Variants in PAPPA2 observed in about 807,000 individuals in gnomAD.
PAPPA2 encodes the protein pappalysin-2.
PAPPA2 carries 86 observed loss-of-function variants against 176.4 expected under a neutral mutation model. The ratio of observed to expected loss-of-function variants is 0.49; its 90% CI spans 0.41 to 0.58. The LOEUF is 0.58. Ranked by LOEUF, PAPPA2 falls within the 20% of genes least tolerant of loss-of-function variation. PAPPA2 has a pLI of 0.00. For missense variants in PAPPA2, 2,073 were observed against 2,256.9 expected, an observed-to-expected ratio of 0.92 and a Z score of 1.65; for synonymous variants, 809 against 852.2, an observed-to-expected ratio of 0.95 and a Z score of 0.88.
Position 176,556,697 on chromosome 1 carries a change from G to A in PAPPA2, c.375G>A (p.Pro125=), listed in dbSNP as rs1267448610. The change falls in exon 2 of 23, where the codon CCG becomes CCA. Residue 125 remains proline, a synonymous_variant. Coordinates refer to ENST00000367662, the MANE Select transcript of PAPPA2 (RefSeq NM_020318.3). ...PAGLRGAVEE[P]AAPWVGDSPI... is the part of the protein sequence containing the mutation. The stretch of plus-strand genomic sequence containing the variant: ...GACTGAGGGGTGCAGTTGAAGAGCC[G>A]GCTGCCCCATGGGTAGGGGATAGTC... The A allele has an allele frequency of 1.4e-5, 23 of 1,613,994 alleles. No individual in the cohort carries two copies. Among genetic ancestry groups the A allele is most frequent in the Admixed American group, 3.3e-5 (2 of 59,998 alleles).
chr1:176,663,957 G>A (rs1658486720), intron 3 of PAPPA2, among the ~76,000 whole-genome samples: 1 of 152,052 alleles, frequency 6.6e-6, no homozygotes, highest in Non-Finnish European at 1.5e-5. Flanking sequence ...TCTTGATATG[G>A]TGGGTAAAAT....
chr1:176,667,586 T>C (rs2102768403), intron 3 of PAPPA2, among the ~76,000 whole-genome samples: 1 of 152,122 alleles, frequency 6.6e-6, no homozygotes, highest in African/African-American at 2.4e-5. Context: ...GGGAGAGGGA[T>C]CAGGTCAAAG....
At chr1:176,729,178 A>G (rs1284628462) in intron 12 of PAPPA2, among the ~76,000 whole-genome samples, 1 of 152,068 alleles carries the variant, frequency 6.6e-6, no homozygotes, top group Non-Finnish European at 1.5e-5. Context: ...ATACAGAATA[A>G]GACAGGGATC....
intron 3 of PAPPA2, among the ~76,000 whole-genome samples, chr1:176,644,643 G>A (rs1657292252): frequency 6.6e-6 from 1 of 151,728 alleles, no homozygotes; most frequent in Non-Finnish European, 1.5e-5. Flanking sequence ...GACAATCTAG[G>A]TTCAAGTTTC....
chr1:176,662,931 C>A (rs1028610981), intron 3 of PAPPA2, among the ~76,000 whole-genome samples: 13 of 152,142 alleles, frequency 8.5e-5, no homozygotes, highest in African/African-American at 3.1e-4. Flanking sequence ...ATGTCACCAG[C>A]CAGTTATTTC....
At chr1:176,840,057 T>A in intron 21 of PAPPA2, 116 bp from the exon 22 acceptor site, 1 of 780,778 alleles carries the variant, frequency 1.3e-6, no homozygotes, top group Non-Finnish European at 2.1e-6. Flanking sequence ...GCACCTTGGG[T>A]GCTTTTCTGT....
chr1:176,607,969 A>G (rs1272144096), intron 3 of PAPPA2, among the ~76,000 whole-genome samples: 40 of 152,226 alleles, frequency 2.6e-4, no homozygotes, highest in Admixed American at 2.6e-3. Context: ...GAACTTACAT[A>G]AGTAATAAAA....
Position 176,699,289 on chromosome 1 carries a change from A to G in PAPPA2, c.2936A>G (p.Gln979Arg). The change falls in exon 8 of 23, where the codon CAG becomes CGG. Residue 979 changes from glutamine to arginine, a missense_variant. Transcript: ENST00000367662. The part of the protein sequence containing the change: ...WVTSFFMESS[Q>R]VLFDTEILLE... ...ACTTCCTTCTTCATGGAGTCCTCGCAGGTCCTCTTTGACACAGAGATCTTG... is the reference window on the plus strand; with the variant it reads ...ACTTCCTTCTTCATGGAGTCCTCGCGGGTCCTCTTTGACACAGAGATCTTG... 1 of 1,614,166 alleles carries G rather than the reference A, an allele frequency of 6.2e-7. No individual in the cohort carries two copies. Among genetic ancestry groups the G allele is most frequent in the East Asian group, 2.2e-5 (1 of 44,878 alleles).
intron 10 of PAPPA2, 48 bp downstream of exon 10, chr1:176,706,498 G>A (rs761049914): frequency 6.6e-7 from 1 of 1,519,780 alleles, no homozygotes; most frequent in Non-Finnish European, 9.1e-7. Flanking sequence ...TTTTAGAGGT[G>A]TATTATTTTG....
At chr1:176,490,956 G>A (rs932921406) in intron 1 of PAPPA2, among the ~76,000 whole-genome samples, 1 of 152,180 alleles carries the variant, frequency 6.6e-6, no homozygotes, top group African/African-American at 2.4e-5. Flanking sequence ...GTGACTATGT[G>A]GTGATTTTCT....
At chr1:176,568,004 T>A (rs1242232960) in intron 2 of PAPPA2, among the ~76,000 whole-genome samples, 1 of 152,188 alleles carries the variant, frequency 6.6e-6, no homozygotes, top group Non-Finnish European at 1.5e-5. Flanking sequence ...TGTGGGTGCA[T>A]CCACATCACA....
At position 176,776,361 on chromosome 1, in the gene PAPPA2, G is replaced by T. The variant is rs373631399; in HGVS notation, c.4715+5181G>T. 4.6e-5 allele frequency among the ~76,000 whole-genome samples: 7 copies of T among 152,218 alleles called. No individual in the cohort carries two copies. The East Asian group carries it at 9.6e-4, about 21-fold the overall frequency. Reference sequence around the variant, plus strand: ...CACTCGTCAAGATGCCATCTGTGGGGTGCTATAGTGTCAGATCTTCTTGTG... The same window carrying T: ...CACTCGTCAAGATGCCATCTGTGGGTTGCTATAGTGTCAGATCTTCTTGTG... On this transcript the variant is annotated intron_variant, in intron 17 of 22. Coordinates refer to ENST00000367662, the MANE Select transcript of PAPPA2 (RefSeq NM_020318.3).
chr1:176,484,535 A>G (rs1652562131), intron 1 of PAPPA2, among the ~76,000 whole-genome samples: 1 of 151,850 alleles, frequency 6.6e-6, no homozygotes, highest in Non-Finnish European at 1.5e-5. Flanking sequence ...TTCAGGTTTT[A>G]TTTTCAGCCA....
At chr1:176,558,845 A>G (rs879309955) in intron 2 of PAPPA2, among the ~76,000 whole-genome samples, 1 of 152,154 alleles carries the variant, frequency 6.6e-6, no homozygotes, top group Non-Finnish European at 1.5e-5. Context: ...GTAGCAACAT[A>G]AAGACCGGGG....
Position 176,840,169 on chromosome 1 carries a change from A to G in PAPPA2, c.5203-4A>G, listed in dbSNP as rs1157753941. 1.2e-6 allele frequency: 2 copies of G among 1,611,716 alleles called. No homozygotes were observed. Among genetic ancestry groups the G allele is most frequent in the Middle Eastern group, 1.7e-4 (1 of 6,050 alleles). On this transcript the variant is annotated splice_polypyrimidine_tract_variant and splice_region_variant and intron_variant, in intron 21 of 22. Transcript: ENST00000367662. ...TGAGATGTTGCCTTCTAACCTCCCT[A>G]CAGCCCTTCCAAGCAGATGGTTGGT...
intron 4 of PAPPA2, among the ~76,000 whole-genome samples, chr1:176,673,471 T>TGGAG (rs1659120347): frequency 6.6e-6 from 1 of 152,142 alleles, no homozygotes; most frequent in Non-Finnish European, 1.5e-5. Context: ...TGTATGTCTG[T>TGGAG]GGAGGTCCTG....
chr1:176,615,641 A>G (rs545143682), intron 3 of PAPPA2, among the ~76,000 whole-genome samples: 3 of 152,140 alleles, frequency 2.0e-5, no homozygotes, highest in South Asian at 4.1e-4. Context: ...GGTTTTTAAT[A>G]AAAGCACAAA....
At chr1:176,669,117 G>T (rs2102770717) in intron 3 of PAPPA2, among the ~76,000 whole-genome samples, 1 of 152,272 alleles carries the variant, frequency 6.6e-6, no homozygotes, top group South Asian at 2.1e-4. Context: ...GAGCAGGGAG[G>T]TTGGAGAAGT....
intron 2 of PAPPA2, among the ~76,000 whole-genome samples, chr1:176,562,026 A>G (rs1331880173): frequency 6.6e-6 from 1 of 152,102 alleles, no homozygotes; most frequent in Non-Finnish European, 1.5e-5. Flanking sequence ...ACCCACCCCC[A>G]TGATTCAATT....
Sources: allele counts gnomAD v4.1 joint callset (sites outside exome capture counted in the v4.1 genomes callset), GRCh38; gene constraint gnomAD v4.1.1; transcripts MANE v1.5; gene names NCBI Gene and HGNC (gene_info 2026-07-23, HGNC 2026-07-21).